Variants in CLTCL1 observed in about 807,000 individuals in gnomAD.
The protein encoded by CLTCL1 is clathrin heavy chain 2.
A neutral mutation model predicts 190.0 loss-of-function variants in CLTCL1; 159 were observed. The ratio of observed to expected loss-of-function variants is 0.84; its 90% CI spans 0.74 to 0.95. The LOEUF is 0.95. Among genes scored for constraint, CLTCL1 ranks in the 40% least tolerant of loss-of-function variants. The pLI is 0.00. For synonymous variants in CLTCL1, 752 were observed against 769.6 expected (o/e 0.98, Z 0.38); for missense variants, 1,878 against 2,033.4 (o/e 0.92, Z 1.47).
rs1208883548 is a variant in CLTCL1 at position 19,259,995 on chromosome 22, G to A, written c.251-5768C>T. ...CACATTAATGATAAGAAAACAAACA[G>A]CCTTACTGCTGATATGGACAAAGTT... On this transcript the variant is annotated intron_variant, in intron 2 of 32. Transcript: ENST00000427926. Among the ~76,000 whole-genome samples the A allele has an allele frequency of 2.6e-5, 4 of 152,308 alleles. 1 individual carries two copies. Among genetic ancestry groups the A allele is most frequent in the African/African-American group, 9.6e-5 (4 of 41,564 alleles).
rs781844063 is a variant in CLTCL1, at chr22:19,183,418, A to AT, written c.4798dup (p.Ile1600AsnfsTer36). On this transcript the variant is annotated frameshift_variant, in exon 30 of 33. Transcript: ENST00000427926. LOFTEE classifies it high-confidence loss of function. ...GCTCAGGTACTCCCTCATCACCTGG[A>AT]TGAAGTAGGGCATGGCCAAGTCCAC... The AT allele has an allele frequency of 6.2e-7, 1 of 1,613,486 alleles. No homozygotes were observed. The highest frequency in any genetic ancestry group is 8.5e-7 in the Non-Finnish European group (1 of 1,179,860).
intron 29 of CLTCL1, chr22:19,184,296 C>G (rs2084238640): frequency 2.8e-6 from 1 of 353,258 alleles, no homozygotes; most frequent in Admixed American, 3.6e-5. Flanking sequence ...GGCCACTCCA[C>G]CTGGAGTTGG....
At chr22:19,211,692 A>ATG (rs2145652433) in intron 19 of CLTCL1, among the ~76,000 whole-genome samples, 1 of 149,538 alleles carries the variant, frequency 6.7e-6, no homozygotes, top group East Asian at 2.1e-4. Flanking sequence ...GCACGAACCC[A>ATG]GGAGGCAGAG....
At chr22:19,197,684 T>C (rs1658324853) in intron 24 of CLTCL1, among the ~76,000 whole-genome samples, 1 of 152,032 alleles carries the variant, frequency 6.6e-6, no homozygotes, top group African/African-American at 2.4e-5. Context: ...TCTCCCAAGC[T>C]CCAGGTCACA....
chr22:19,283,717 C>T (rs1370079377), intron 1 of CLTCL1, among the ~76,000 whole-genome samples: 2 of 151,936 alleles, frequency 1.3e-5, no homozygotes, highest in African/African-American at 4.8e-5. Flanking sequence ...GGGGGCCAGA[C>T]ATGGTGGCTC....
intron 30 of CLTCL1, chr22:19,182,961 T>C (rs3891190): frequency 0.023 from 5,538 of 236,176 alleles, 77 homozygotes; most frequent in Non-Finnish European, 0.034. Flanking sequence ...TCCTACTATG[T>C]GTTCAGCAAA....
chr22:19,255,426 G>T (rs782340061), intron 2 of CLTCL1, among the ~76,000 whole-genome samples: 1 of 152,044 alleles, frequency 6.6e-6, no homozygotes, highest in Non-Finnish European at 1.5e-5. Flanking sequence ...AGCCGGGCTT[G>T]GTGGCAGTCA....
intron 27 of CLTCL1, among the ~76,000 whole-genome samples, chr22:19,188,920 T>G (rs1222838307): frequency 6.6e-6 from 1 of 151,856 alleles, no homozygotes; most frequent in Non-Finnish European, 1.5e-5. Context: ...CAGCCGGCAA[T>G]TTCTTTCCTT....
intron 2 of CLTCL1, among the ~76,000 whole-genome samples, chr22:19,271,809 C>T (rs782135256): frequency 6.6e-6 from 1 of 152,148 alleles, no homozygotes; most frequent in African/African-American, 2.4e-5. Flanking sequence ...TACAACTCCT[C>T]ATAAAAACCA....
rs374011696 is a variant in CLTCL1 at position 19,210,446 on chromosome 22, G to A, written c.3129C>T (p.Tyr1043=). 1.4e-5 allele frequency: 23 copies of A among 1,613,896 alleles called. No individual in the cohort carries two copies. The highest frequency in any genetic ancestry group is 1.1e-4 in the South Asian group (10 of 91,090). The change falls in exon 20 of 33, where the codon TAC becomes TAT. Residue 1043 remains tyrosine (Y), a synonymous_variant. Coordinates refer to ENST00000427926, the MANE Select transcript of CLTCL1 (RefSeq NM_007098.4). ...CGTCATAGTTGTCCAGGCGGCTGAT[G>A]TACTCCATGACCCGTGTGCGGTCTG... ...IKADRTRVME[Y]ISRLDNYDAL... is the part of the protein sequence containing the mutation.
intron 25 of CLTCL1, 21 bp from the exon 26 acceptor site, chr22:19,196,436 C>A: frequency 6.2e-7 from 1 of 1,613,870 alleles, no homozygotes; most frequent in Non-Finnish European, 8.5e-7. Flanking sequence ...AGGTCAGGGT[C>A]GGCTTGTGCT....
chr22:19,289,584 G>C (rs908532965), intron 1 of CLTCL1, among the ~76,000 whole-genome samples: 3 of 152,130 alleles, frequency 2.0e-5, no homozygotes, highest in Admixed American at 2.0e-4. Flanking sequence ...GGACAAGAGC[G>C]GGGGAAGAAG....
At chr22:19,285,274 T>A (rs1355366923) in intron 1 of CLTCL1, among the ~76,000 whole-genome samples, 2 of 150,762 alleles carry the variant, frequency 1.3e-5, no homozygotes, top group Admixed American at 1.3e-4. Flanking sequence ...GACTCCATCT[T>A]AAAAAAAAGA....
chr22:19,266,311 C>A (rs1601694267), intron 2 of CLTCL1, among the ~76,000 whole-genome samples: 1 of 152,188 alleles, frequency 6.6e-6, no homozygotes, highest in African/African-American at 2.4e-5. Context: ...TTTATGTCAA[C>A]ATACTAGAAG....
intron 11 of CLTCL1, among the ~76,000 whole-genome samples, chr22:19,228,803 A>C (rs1555957403): frequency 1.3e-5 from 2 of 152,232 alleles, no homozygotes; most frequent in Non-Finnish European, 1.5e-5. Flanking sequence ...AACCCAAAAT[A>C]GCACAGACAT....
chr22:19,208,885 T>C (rs978471316), intron 21 of CLTCL1, 37 bp downstream of exon 21: 21 of 1,484,386 alleles, frequency 1.4e-5, no homozygotes, highest in Non-Finnish European at 1.8e-5. Context: ...TTTGCATCAG[T>C]GAGATGCAGA....
intron 1 of CLTCL1, among the ~76,000 whole-genome samples, chr22:19,278,657 C>T (rs1306470271): frequency 6.6e-6 from 1 of 152,222 alleles, no homozygotes; most frequent in African/African-American, 2.4e-5. Flanking sequence ...CCATCATCCT[C>T]TCCTAGTTTA....
intron 1 of CLTCL1, among the ~76,000 whole-genome samples, chr22:19,276,863 G>A (rs782815044): frequency 7.2e-5 from 11 of 152,024 alleles, no homozygotes; most frequent in Admixed American, 1.3e-4. Flanking sequence ...TAGTAGAGAC[G>A]GGGTTTCACC....
intron 2 of CLTCL1, among the ~76,000 whole-genome samples, chr22:19,275,271 G>A (rs948102857): frequency 2.6e-5 from 4 of 152,056 alleles, no homozygotes; most frequent in African/African-American, 7.2e-5. Flanking sequence ...CTGTGTCGTC[G>A]GATGACCGGA....
Sources: allele counts gnomAD v4.1 joint callset (sites outside exome capture counted in the v4.1 genomes callset), GRCh38; gene constraint gnomAD v4.1.1; transcripts MANE v1.5; gene names NCBI Gene and HGNC (gene_info 2026-07-23, HGNC 2026-07-21).